ACYP2: variants seen among roughly 807,000 people sequenced by gnomAD.
The protein encoded by ACYP2 is acylphosphatase 2, also known as acylphosphatase-2.
In ACYP2, 12 loss-of-function variants were observed where a neutral mutation model predicts 11.2. That is an observed-to-expected ratio of 1.08 (90% confidence interval 0.69 to 1.74). The LOEUF (loss-of-function observed/expected upper bound fraction) is 1.74, where lower values mean the gene tolerates loss of function less well. Among genes scored for constraint, ACYP2 ranks in the 40% most tolerant of loss-of-function variants. ACYP2 has a pLI of 0.00. For missense variants in ACYP2, 134 were observed against 101.9 expected (o/e 1.31, Z -1.35); for synonymous variants, 43 against 32.2 (o/e 1.33, Z -1.13).
At chr2:54,235,007 C>A (rs761841312) in intron 6 of ACYP2, among the ~76,000 whole-genome samples, 1 of 152,148 alleles carries the variant, frequency 6.6e-6, no homozygotes, top group Non-Finnish European at 1.5e-5. Flanking sequence ...TAAGTTTATT[C>A]TGATGCAAAA....
At chr2:53,989,277 C>CTTTTTTTTT (rs775237196) in intron 2 of ACYP2, among the ~76,000 whole-genome samples, 2 of 94,806 alleles carry the variant, frequency 2.1e-5, no homozygotes, top group Non-Finnish European at 4.1e-5. Flanking sequence ...GTAGACAATT[C>CTTTTTTTTT]TTTTTTTTTT....
intron 2 of ACYP2, among the ~76,000 whole-genome samples, chr2:54,000,103 A>G (rs904435473): frequency 7.3e-5 from 11 of 151,708 alleles, no homozygotes; most frequent in Non-Finnish European, 1.6e-4. Flanking sequence ...AAATTTCTAT[A>G]TACTTATTTC....
intron 6 of ACYP2, among the ~76,000 whole-genome samples, chr2:54,271,784 T>C (rs1160472954): frequency 1.3e-5 from 2 of 152,168 alleles, no homozygotes; most frequent in African/African-American, 2.4e-5. Flanking sequence ...TTTGTTAAAC[T>C]AGTGGTTACC....
chr2:54,069,093 A>G (rs1676886418), intron 4 of ACYP2, among the ~76,000 whole-genome samples: 1 of 151,708 alleles, frequency 6.6e-6, no homozygotes, highest in Non-Finnish European at 1.5e-5. Context: ...CACCCAACTA[A>G]TTTTTTTAAA....
At chr2:53,973,099 G>A (rs1022206969) in intron 1 of ACYP2, among the ~76,000 whole-genome samples, 1 of 152,094 alleles carries the variant, frequency 6.6e-6, no homozygotes, top group African/African-American at 2.4e-5. Context: ...TAGGAAACTG[G>A]GTGTCTCATG....
chr2:53,998,707 T>C (rs1672678173), intron 2 of ACYP2, among the ~76,000 whole-genome samples: 1 of 152,066 alleles, frequency 6.6e-6, no homozygotes, highest in South Asian at 2.1e-4. Flanking sequence ...TCCCAGCTGC[T>C]TGAGAGGCTG....
At chr2:54,287,815 T>C (rs1308274102) in intron 6 of ACYP2, among the ~76,000 whole-genome samples, 2 of 152,044 alleles carry the variant, frequency 1.3e-5, no homozygotes, top group Admixed American at 6.5e-5. Flanking sequence ...AAAGATGAGG[T>C]TTCCCTGTTG....
intron 6 of ACYP2, among the ~76,000 whole-genome samples, chr2:54,149,505 G>A (rs1411708788): frequency 1.3e-5 from 2 of 151,720 alleles, no homozygotes; most frequent in African/African-American, 4.8e-5. Flanking sequence ...GTTTTATTAT[G>A]TCTTTTTTTT....
chr2:54,255,878 G>GT (rs1328598711), intron 6 of ACYP2: 1 of 1,613,974 alleles, frequency 6.2e-7, no homozygotes, highest in South Asian at 1.1e-5. Flanking sequence ...GCGGGTGGTG[G>GT]AGTCACTTCC....
intron 6 of ACYP2, among the ~76,000 whole-genome samples, chr2:54,220,718 C>G (rs542384448): frequency 2.0e-5 from 3 of 152,252 alleles, no homozygotes; most frequent in South Asian, 2.1e-4. Flanking sequence ...CTTCTGAAGT[C>G]TGAGTTACCT....
intron 2 of ACYP2, among the ~76,000 whole-genome samples, chr2:54,009,337 T>C (rs1673242915): frequency 6.6e-6 from 1 of 151,788 alleles, no homozygotes; most frequent in Non-Finnish European, 1.5e-5. Context: ...GGTTGACAGA[T>C]CACCTTAGGT....
chr2:54,152,208 C>A (rs975947052), intron 6 of ACYP2, among the ~76,000 whole-genome samples: 5 of 149,480 alleles, frequency 3.3e-5, no homozygotes, highest in African/African-American at 1.2e-4. Flanking sequence ...ACCTTGGACT[C>A]CTGGGCTCAA....
intron 6 of ACYP2, among the ~76,000 whole-genome samples, chr2:54,233,166 AAAC>A (rs1268195318): frequency 6.6e-6 from 1 of 152,168 alleles, no homozygotes; most frequent in African/African-American, 2.4e-5. Context: ...TCATTTTTAA[AAAC>A]AACTTTAGCT....
rs540278053 is a variant in ACYP2, at chr2:54,087,269, T to C, written c.277+29909T>C. On this transcript the variant is annotated intron_variant, in intron 4 of 6. Transcript: ENST00000607452. ...TCCAGACAAATATCTGTTTTAGAAA[T>C]TAAAGTGTACATTTGTTATTTTTGG... Among the ~76,000 whole-genome samples the C allele has an allele frequency of 2.1e-3, 325 of 152,368 alleles. 2 individuals carry two copies. The highest frequency in any genetic ancestry group is 7.4e-3 in the African/African-American group (308 of 41,594).
chr2:54,024,392 G>A (rs1428856431), intron 2 of ACYP2, among the ~76,000 whole-genome samples: 4 of 152,066 alleles, frequency 2.6e-5, no homozygotes, highest in Non-Finnish European at 2.9e-5. Context: ...AATCCACCAT[G>A]ATCAAGTGGG....
intron 4 of ACYP2, among the ~76,000 whole-genome samples, chr2:54,063,408 C>A (rs1342922845): frequency 6.6e-6 from 1 of 152,172 alleles, no homozygotes; most frequent in African/African-American, 2.4e-5. Context: ...TAGATCCACC[C>A]TCCATCTTTC....
rs1235885717 is a variant in ACYP2, at chr2:54,068,239, TATCC to T, written c.277+10882_277+10885del. 6.6e-5 allele frequency among the ~76,000 whole-genome samples: 10 copies of T among 152,226 alleles called. 1 individual carries two copies. Among genetic ancestry groups the T allele is most frequent in the Admixed American group, 3.9e-4 (6 of 15,280 alleles). On this transcript the variant is annotated intron_variant, in intron 4 of 6. Coordinates refer to ENST00000607452, the MANE Select transcript of ACYP2 (RefSeq NM_001320586.2). ...GAGAGGAACTGGGTTTGTACAGTCC[TATCC>T]ATTTGTTGTACGCACTCTTTAGTAT...
chr2:54,119,155 T>G (rs1679997399), intron 4 of ACYP2, among the ~76,000 whole-genome samples: 2 of 146,596 alleles, frequency 1.4e-5, no homozygotes, highest in South Asian at 4.5e-4. Context: ...GCTCATATGA[T>G]CTTCCTGCCT....
At position 54,242,856 on chromosome 2, in the gene ACYP2, T is replaced by C. The variant is rs980064211; in HGVS notation, c.405-61832T>C. On this transcript the variant is annotated intron_variant, in intron 6 of 6. Coordinates refer to ENST00000607452, the MANE Select transcript of ACYP2 (RefSeq NM_001320586.2). The stretch of plus-strand genomic sequence containing the variant: ...AGTCTATGATGTTCACACAACAGTG[T>C]AATCACCTAACGATGCATTTCTCAG... Among the ~76,000 whole-genome samples, 6 of 152,238 alleles carry C rather than the reference T, an allele frequency of 3.9e-5. 1 individual carries two copies. The highest frequency in any genetic ancestry group is 1.5e-5 in the Non-Finnish European group (1 of 68,030).
Sources: gnomAD v4.1 joint callset for allele counts (sites outside exome capture counted in the v4.1 genomes callset) on GRCh38, gnomAD v4.1.1 for gene constraint, MANE v1.5 for transcripts, NCBI Gene and HGNC (gene_info 2026-07-23, HGNC 2026-07-21) for gene names.